The following ACVR1C variants were observed in gnomAD, a reference collection of about 807,000 sequenced individuals.
ACVR1C encodes the protein activin receptor type-1C.
ACVR1C carries 23 observed loss-of-function variants against 57.9 expected under a neutral mutation model. The observed-to-expected ratio is 0.40, with a 90% CI of 0.29 to 0.56. ACVR1C has a LOEUF of 0.56. ACVR1C is among the 20% of genes least tolerant of loss of function. ACVR1C has a pLI of 0.50. For synonymous variants in ACVR1C, 214 were observed against 215.3 expected, an observed-to-expected ratio of 0.99 and a Z score of 0.05; for missense variants, 480 against 607.9, an observed-to-expected ratio of 0.79 and a Z score of 2.21.
At chr2:157,565,799 T>G (rs1052956449) in intron 2 of ACVR1C, among the ~76,000 whole-genome samples, 3 of 152,214 alleles carry the variant, frequency 2.0e-5, no homozygotes, top group Non-Finnish European at 4.4e-5. Context: ...TTCCTGGACA[T>G]GTTCTCCTTG....
At chr2:157,543,899 G>C (rs1412250476) in intron 5 of ACVR1C, among the ~76,000 whole-genome samples, 1 of 151,968 alleles carries the variant, frequency 6.6e-6, no homozygotes, top group African/African-American at 2.4e-5. Flanking sequence ...ATGCTAAATG[G>C]CAAAGATAGA....
At position 157,628,652 on chromosome 2, in the gene ACVR1C, A is replaced by T; in HGVS notation, c.-8T>A. The T allele has an allele frequency of 6.4e-7, 1 of 1,565,316 alleles. No homozygotes were observed. Among genetic ancestry groups the T allele is most frequent in the Non-Finnish European group, 8.6e-7 (1 of 1,157,466 alleles). On this transcript the variant is annotated 5_prime_UTR_variant, in exon 1 of 9. Transcript: ENST00000243349. ...GCAGAGCGCCCGGGTCATCGCCACC[A>T]GGCGGCCGCGCCGGGGCTGCGAGGC...
chr2:157,603,670 T>C (rs1682329624), intron 1 of ACVR1C, among the ~76,000 whole-genome samples: 1 of 152,078 alleles, frequency 6.6e-6, no homozygotes, highest in Admixed American at 6.6e-5. Context: ...TGCAATTTCC[T>C]TTGCTAAGAG....
At chr2:157,561,876 C>G (rs1465775506) in intron 2 of ACVR1C, among the ~76,000 whole-genome samples, 1 of 152,164 alleles carries the variant, frequency 6.6e-6, no homozygotes, top group Non-Finnish European at 1.5e-5. Context: ...TATGCATTGA[C>G]TGAGAAAAAC....
At chr2:157,596,436 C>T (rs1034488127) in intron 1 of ACVR1C, among the ~76,000 whole-genome samples, 5 of 152,108 alleles carry the variant, frequency 3.3e-5, no homozygotes, top group African/African-American at 9.7e-5. Context: ...CCATAACCCC[C>T]GAACCACTAA....
At chr2:157,618,267 T>C (rs1370323137) in intron 1 of ACVR1C, among the ~76,000 whole-genome samples, 2 of 151,694 alleles carry the variant, frequency 1.3e-5, no homozygotes, top group African/African-American at 2.4e-5. Context: ...AAATAAGCTA[T>C]GGTAATATTA....
chr2:157,627,241 C>A (rs1682917148), intron 1 of ACVR1C, among the ~76,000 whole-genome samples: 1 of 152,162 alleles, frequency 6.6e-6, no homozygotes, highest in Non-Finnish European at 1.5e-5. Context: ...TTGTCAAGAG[C>A]ACTTTCAGTA....
intron 1 of ACVR1C, among the ~76,000 whole-genome samples, chr2:157,591,055 G>C (rs777754490): frequency 6.6e-6 from 1 of 151,950 alleles, no homozygotes; most frequent in Non-Finnish European, 1.5e-5. Context: ...TCCTACTACC[G>C]AAGCGGGTAA....
At chr2:157,542,398 C>T (rs1205203291) in intron 6 of ACVR1C, among the ~76,000 whole-genome samples, 1 of 151,986 alleles carries the variant, frequency 6.6e-6, no homozygotes, top group African/African-American at 2.4e-5. Context: ...ACATTTTTTT[C>T]TTATCTGTAG....
intron 1 of ACVR1C, among the ~76,000 whole-genome samples, chr2:157,609,855 G>C (rs1682491643): frequency 1.3e-5 from 2 of 151,784 alleles, no homozygotes; most frequent in Admixed American, 1.3e-4. Flanking sequence ...GTCTTTACTG[G>C]TAAACTGCAT....
intron 2 of ACVR1C, among the ~76,000 whole-genome samples, chr2:157,585,226 T>C (rs780770255): frequency 2.0e-5 from 3 of 152,178 alleles, no homozygotes; most frequent in Non-Finnish European, 2.9e-5. Context: ...ATGAATATGC[T>C]AATTACCCAG....
chr2:157,606,337 G>T (rs538967660), intron 1 of ACVR1C, among the ~76,000 whole-genome samples: 2 of 151,684 alleles, frequency 1.3e-5, no homozygotes, highest in Non-Finnish European at 3.0e-5. Flanking sequence ...TTGCTGGATT[G>T]AATGGTAGTT....
At chr2:157,555,099 C>T (rs1343265588) in intron 3 of ACVR1C, among the ~76,000 whole-genome samples, 2 of 135,708 alleles carry the variant, frequency 1.5e-5, no homozygotes, top group African/African-American at 6.1e-5. Context: ...GTACTTTGAA[C>T]GCTTTTTTTT....
chr2:157,541,180 T>C lies in ACVR1C; in HGVS notation c.1135A>G (p.Asn379Asp). ...MAPEMLDDTM[N>D]VNIFESFKRA... ...TTGAAGGACTCAAAGATATTCACAT[T>C]CATTGTATCATCAAGCATTTCAGGA... The change falls in exon 7 of 9, where the codon AAT (asparagine) becomes GAT (aspartate). Residue 379 changes from asparagine (N) to aspartate (D), a missense_variant. Transcript: ENST00000243349. The C allele has an allele frequency of 1.9e-6, 3 of 1,613,882 alleles. No individual in the cohort carries two copies. Among genetic ancestry groups the C allele is most frequent in the Non-Finnish European group, 1.7e-6 (2 of 1,179,888 alleles).
chr2:157,601,260 T>C (rs1228315447), intron 1 of ACVR1C, among the ~76,000 whole-genome samples: 1 of 151,922 alleles, frequency 6.6e-6, no homozygotes, highest in Non-Finnish European at 1.5e-5. Flanking sequence ...GAGGTTGCAG[T>C]GAGCTGAGAT....
At chr2:157,618,379 G>A (rs1003222464) in intron 1 of ACVR1C, among the ~76,000 whole-genome samples, 5 of 151,534 alleles carry the variant, frequency 3.3e-5, no homozygotes, top group African/African-American at 1.2e-4. Flanking sequence ...CCAAATGAAG[G>A]CAAGAGGGGG....
intron 1 of ACVR1C, among the ~76,000 whole-genome samples, chr2:157,600,799 C>T (rs1465837529): frequency 6.6e-6 from 1 of 152,130 alleles, no homozygotes; most frequent in African/African-American, 2.4e-5. Context: ...CCGATCCTAG[C>T]TGAGCATCTT....
At chr2:157,608,952 CT>C (rs924160779) in intron 1 of ACVR1C, among the ~76,000 whole-genome samples, 17 of 151,680 alleles carry the variant, frequency 1.1e-4, no homozygotes, top group African/African-American at 3.6e-4. Context: ...GAATTTCTTC[CT>C]TTTTTTGTTA....
chr2:157,539,217 T>G (rs1687562691), intron 7 of ACVR1C, among the ~76,000 whole-genome samples: 2 of 152,094 alleles, frequency 1.3e-5, no homozygotes, highest in African/African-American at 4.8e-5. Flanking sequence ...TTTGAAAACT[T>G]TTAGGCAATC....
Sources: gnomAD v4.1 joint callset for allele counts (sites outside exome capture counted in the v4.1 genomes callset) on GRCh38, gnomAD v4.1.1 for gene constraint, MANE v1.5 for transcripts, NCBI Gene and HGNC (gene_info 2026-07-23, HGNC 2026-07-21) for gene names.